Variants in NLGN1 observed in about 807,000 individuals in gnomAD.
NLGN1 encodes the protein neuroligin 1, also known as neuroligin-1.
In NLGN1, 12 loss-of-function variants were observed where a neutral mutation model predicts 65.5. The ratio of observed to expected loss-of-function variants is 0.18; its 90% CI spans 0.12 to 0.30. The LOEUF (loss-of-function observed/expected upper bound fraction) is 0.30, where lower values mean the gene tolerates loss of function less well. Among genes scored for constraint, NLGN1 ranks in the 10% least tolerant of loss-of-function variants. The pLI is 1.00. For synonymous variants in NLGN1, 350 were observed against 359.5 expected (o/e 0.97, Z 0.30); for missense variants, 750 against 1,007.1 (o/e 0.74, Z 3.46).
intron 4 of NLGN1, among the ~76,000 whole-genome samples, chr3:174,007,396 G>T (rs1156871425): frequency 6.6e-6 from 1 of 152,094 alleles, no homozygotes; most frequent in Non-Finnish European, 1.5e-5. Context: ...TCCATTCTGT[G>T]CTTTCAATCA....
At chr3:174,176,776 C>T (rs553989745) in intron 4 of NLGN1, among the ~76,000 whole-genome samples, 15 of 152,110 alleles carry the variant, frequency 9.9e-5, no homozygotes, top group South Asian at 8.3e-4. Flanking sequence ...TATGCAACAA[C>T]GCAAACACTT....
chr3:173,561,877 A>G (rs1005309530), intron 2 of NLGN1, among the ~76,000 whole-genome samples: 1 of 152,244 alleles, frequency 6.6e-6, no homozygotes, highest in Non-Finnish European at 1.5e-5. Flanking sequence ...CAGGTATAGT[A>G]CAAGGTATAA....
At chr3:173,432,122 A>C (rs1717294807) in intron 1 of NLGN1, among the ~76,000 whole-genome samples, 1 of 152,190 alleles carries the variant, frequency 6.6e-6, no homozygotes, top group Non-Finnish European at 1.5e-5. Flanking sequence ...TTTATCCATT[A>C]GCCTACTGAA....
Position 173,962,142 on chromosome 3 carries a change from G to A in NLGN1, c.646+154310G>A, listed in dbSNP as rs367613744. Among the ~76,000 whole-genome samples the A allele has an allele frequency of 4.0e-4, 61 of 152,204 alleles. 1 individual carries two copies. The highest frequency in any genetic ancestry group is 1.3e-3 in the African/African-American group (56 of 41,550). On this transcript the variant is annotated intron_variant, in intron 4 of 6. Coordinates refer to ENST00000457714, the Ensembl canonical transcript of NLGN1. Reference sequence around the variant, plus strand: ...CACAAGACAAGGAGTATACAACAAAGTGAAATTTGAAATATATATATTTTT... The same window carrying A: ...CACAAGACAAGGAGTATACAACAAAATGAAATTTGAAATATATATATTTTT...
intron 4 of NLGN1, among the ~76,000 whole-genome samples, chr3:174,205,200 C>G (rs1289343533): frequency 2.0e-5 from 3 of 151,946 alleles, no homozygotes; most frequent in Non-Finnish European, 4.4e-5. Flanking sequence ...CTGAAATTTC[C>G]TCTTAAGAAA....
intron 4 of NLGN1, among the ~76,000 whole-genome samples, chr3:173,884,866 T>C (rs1734037588): frequency 6.6e-6 from 1 of 152,160 alleles, no homozygotes. Context: ...GGCTGCTCCC[T>C]GTTTCCAAGA....
intron 4 of NLGN1, among the ~76,000 whole-genome samples, chr3:174,171,566 T>G (rs1224197040): frequency 6.6e-6 from 1 of 152,182 alleles, no homozygotes; most frequent in Non-Finnish European, 1.5e-5. Context: ...TCTTTAATGT[T>G]GAAAAATTAA....
rs145780077 is a variant in NLGN1, at chr3:173,703,468, ACTT to A, written c.493+98384_493+98386del. On this transcript the variant is annotated intron_variant, in intron 3 of 6. Coordinates refer to ENST00000457714, the Ensembl canonical transcript of NLGN1. ...TGCTGGGAACTTTTTATTTATTTTAACTTCTTCTTAAAATAAGAATCTCTGTTT... is the reference window on the plus strand; with the variant it reads ...TGCTGGGAACTTTTTATTTATTTTAACTTCTTAAAATAAGAATCTCTGTTT... 5.9e-3 allele frequency among the ~76,000 whole-genome samples: 905 copies of A among 152,274 alleles called. 6 individuals carry two copies. The highest frequency in any genetic ancestry group is 0.014 in the African/African-American group (590 of 41,572).
intron 4 of NLGN1, among the ~76,000 whole-genome samples, chr3:174,033,338 C>T (rs1489893196): frequency 6.6e-6 from 1 of 152,100 alleles, no homozygotes; most frequent in Admixed American, 6.6e-5. Flanking sequence ...TAACTCCTAG[C>T]CAAATTAACA....
rs1261910259 is a variant in NLGN1 at position 173,796,378 on chromosome 3, C to T, written c.494-11302C>T. Among the ~76,000 whole-genome samples the T allele has an allele frequency of 3.3e-5, 5 of 152,106 alleles. No homozygotes were observed. The South Asian group carries it at 8.3e-4, about 25-fold the overall frequency. On this transcript the variant is annotated intron_variant, in intron 3 of 6. Transcript: ENST00000457714. ...TTCTGAAATGTAAGAATGCATCGCA[C>T]GTCCTTTACCAGAACCCATACTTTG...
At chr3:174,091,448 G>A (rs1196512014) in intron 4 of NLGN1, among the ~76,000 whole-genome samples, 1 of 152,104 alleles carries the variant, frequency 6.6e-6, no homozygotes, top group Non-Finnish European at 1.5e-5. Flanking sequence ...CTTTGCCTGT[G>A]GCACAAATAT....
intron 3 of NLGN1, among the ~76,000 whole-genome samples, chr3:173,658,537 A>G (rs1482105193): frequency 6.6e-6 from 1 of 152,080 alleles, no homozygotes; most frequent in African/African-American, 2.4e-5. Context: ...GAAATAGCAT[A>G]GAACTATCCT....
At chr3:173,578,196 A>G (rs1467668335) in intron 2 of NLGN1, among the ~76,000 whole-genome samples, 5 of 150,224 alleles carry the variant, frequency 3.3e-5, no homozygotes, top group Non-Finnish European at 7.4e-5. Flanking sequence ...AGATCGCACC[A>G]CTGCACTCCA....
At chr3:173,787,177 C>A (rs1364671577) in intron 3 of NLGN1, among the ~76,000 whole-genome samples, 1 of 152,096 alleles carries the variant, frequency 6.6e-6, no homozygotes, top group Non-Finnish European at 1.5e-5. Context: ...TGCAGCTTCT[C>A]TTAGTGTATT....
chr3:173,789,155 C>T (rs539354744), intron 3 of NLGN1, among the ~76,000 whole-genome samples: 30 of 150,888 alleles, frequency 2.0e-4, no homozygotes, highest in Admixed American at 2.6e-4. Context: ...GCTGAGATCG[C>T]GCCACTGCAC....
At chr3:173,422,146 TACAC>T (rs1553846239) in intron 1 of NLGN1, among the ~76,000 whole-genome samples, 5 of 130,228 alleles carry the variant, frequency 3.8e-5, no homozygotes, top group Admixed American at 1.6e-4. Flanking sequence ...ACACTATATA[TACAC>T]ACACACACAC....
At chr3:173,855,253 TC>T (rs530186430) in intron 4 of NLGN1, among the ~76,000 whole-genome samples, 164 of 152,264 alleles carry the variant, frequency 1.1e-3, no homozygotes, top group Admixed American at 7.2e-3. Flanking sequence ...TGAACTTAAA[TC>T]TTTTAAAGGA....
At chr3:174,111,732 A>G (rs1399798214) in intron 4 of NLGN1, among the ~76,000 whole-genome samples, 6 of 151,880 alleles carry the variant, frequency 4.0e-5, no homozygotes, top group African/African-American at 1.4e-4. Context: ...ATTATTAGTT[A>G]TTAGTATGGT....
intron 3 of NLGN1, among the ~76,000 whole-genome samples, chr3:173,680,536 C>G (rs759608467): frequency 1.3e-5 from 2 of 152,058 alleles, no homozygotes. Flanking sequence ...ATCAAGGTGA[C>G]AAGTTTTTAA....
Sources: gnomAD v4.1 joint callset for allele counts (sites outside exome capture counted in the v4.1 genomes callset) on GRCh38, gnomAD v4.1.1 for gene constraint, MANE v1.5 for transcripts, NCBI Gene and HGNC (gene_info 2026-07-23, HGNC 2026-07-21) for gene names.